MGAT5B: variants seen among roughly 807,000 people sequenced by gnomAD.
MGAT5B encodes the protein N-acetylglucosaminyl-transferase Vb.
Under a neutral mutation model 95.1 loss-of-function variants are expected in MGAT5B, and 54 were observed. That is an observed-to-expected ratio of 0.57 (90% CI 0.46 to 0.71). The LOEUF is 0.71. MGAT5B is among the 30% of genes least tolerant of loss of function. MGAT5B has a pLI of 0.00. For missense variants in MGAT5B, 935 were observed against 1,088.6 expected (o/e 0.86, Z 1.99); for synonymous variants, 464 against 451.0 (o/e 1.03, Z -0.36).
chr17:76,895,893 G>GT (rs542661686), intron 3 of MGAT5B, among the ~76,000 whole-genome samples: 1 of 152,120 alleles, frequency 6.6e-6, no homozygotes, highest in African/African-American at 2.4e-5. Flanking sequence ...TCTACAAGGG[G>GT]TTTTTTTGTC....
intron 6 of MGAT5B, among the ~76,000 whole-genome samples, chr17:76,904,649 G>T (rs1968453727): frequency 6.6e-6 from 1 of 152,252 alleles, no homozygotes; most frequent in African/African-American, 2.4e-5. Flanking sequence ...CAGGTGGGGG[G>T]CCTGGAGATG....
intron 10 of MGAT5B, among the ~76,000 whole-genome samples, chr17:76,928,659 C>T (rs1170320663): frequency 2.0e-5 from 3 of 151,624 alleles, no homozygotes; most frequent in African/African-American, 2.4e-5. Flanking sequence ...GAGCTGAGAT[C>T]GTGGCACTGC....
In MGAT5B at chr17:76,889,783, C is replaced by T. The variant is rs1598909957; in HGVS notation, c.329+7485C>T. ...TCCAGGCCTGCACTGTTGTCACAGCCCCACGGTGCCGAGAGCCGGACCAAC... is the reference window on the plus strand; with the variant it reads ...TCCAGGCCTGCACTGTTGTCACAGCTCCACGGTGCCGAGAGCCGGACCAAC... On this transcript the variant is annotated intron_variant, in intron 3 of 17. Transcript: ENST00000569840. The surrounding 1 kb of genome is among the most constrained non-coding windows in gnomAD (Gnocchi z 4.4). 6.6e-6 allele frequency among the ~76,000 whole-genome samples: 1 copy of T among 152,146 alleles called. No homozygotes were observed. The highest frequency in any genetic ancestry group is 2.4e-5 in the African/African-American group (1 of 41,422).
chr17:76,938,292 G>A lies in MGAT5B; in HGVS notation c.1584+149G>A, dbSNP rs1458951908. 3.6e-6 allele frequency: 4 copies of A among 1,121,504 alleles called. No individual in the cohort carries two copies. The Admixed American group carries it at 7.5e-5, about 21-fold the overall frequency. The allele number at this position is 1,121,504 out of a possible 1,614,324, so 69.5% of individuals were successfully genotyped here. On this transcript the variant is annotated intron_variant, in intron 13 of 17. Coordinates refer to ENST00000569840, the MANE Select transcript of MGAT5B (RefSeq NM_001199172.2). This position sits in a 1 kb window ranked among gnomAD's most constrained non-coding sequence, Gnocchi z 4.3. ...GCCCTGAGCCCCACATCTGGCCAGA[G>A]CCCAGGGGCAGAGATGTGGGTGCCC...
At chr17:76,942,442 G>T (rs962445751) in intron 15 of MGAT5B, among the ~76,000 whole-genome samples, 1 of 152,094 alleles carries the variant, frequency 6.6e-6, no homozygotes, top group East Asian at 1.9e-4. Context: ...CAGGAGAATC[G>T]CTTGAACCTG....
chr17:76,940,689 T>C lies in MGAT5B; in HGVS notation c.1732-43T>C. The C allele has an allele frequency of 6.2e-7, 1 of 1,605,804 alleles. No homozygotes were observed. Among genetic ancestry groups the C allele is most frequent in the Non-Finnish European group, 8.5e-7 (1 of 1,173,128 alleles). On this transcript the variant is annotated intron_variant, in intron 14 of 17. Coordinates refer to ENST00000569840, the MANE Select transcript of MGAT5B (RefSeq NM_001199172.2). The surrounding 1 kb of genome is among the most constrained non-coding windows in gnomAD (Gnocchi z 4.3). ...GTACCTTTCTTTGTCCCTGTCCCAC[T>C]GGCAGGCACGGGGGGCATCTGCAAT... is the stretch of plus-strand genomic sequence containing the variant.
Position 76,933,286 on chromosome 17 carries a change from A to G in MGAT5B, c.1423-6A>G, listed in dbSNP as rs371825414. The G allele has an allele frequency of 6.3e-7, 1 of 1,598,338 alleles. No individual in the cohort carries two copies. Among genetic ancestry groups the G allele is most frequent in the Non-Finnish European group, 8.5e-7 (1 of 1,179,746 alleles). On this transcript the variant is annotated splice_polypyrimidine_tract_variant and splice_region_variant and intron_variant, in intron 11 of 17. Transcript: ENST00000569840. ...GTTCCTTGTGCTCCCCCTGGCCACG[A>G]GGCAGCTCCAGGTATGGAAACCGCT...
At chr17:76,883,500 A>C (rs2145138325) in intron 3 of MGAT5B, among the ~76,000 whole-genome samples, 1 of 152,286 alleles carries the variant, frequency 6.6e-6, no homozygotes, top group Admixed American at 6.5e-5. Context: ...TGTGACATCC[A>C]AATCATGTGT....
intron 13 of MGAT5B, among the ~76,000 whole-genome samples, chr17:76,939,871 C>T (rs532892049): frequency 1.4e-4 from 22 of 152,154 alleles, no homozygotes; most frequent in South Asian, 1.0e-3. Flanking sequence ...TTTATGTCTG[C>T]GTAGTATCTT....
At chr17:76,933,456 G>T (rs918818789) in intron 12 of MGAT5B, among the ~76,000 whole-genome samples, 159 bp downstream of exon 12, 7 of 152,208 alleles carry the variant, frequency 4.6e-5, no homozygotes, top group African/African-American at 1.7e-4. Context: ...GGGTGATGGG[G>T]ACAGCAGGGT....
At chr17:76,946,593 C>T (rs1970036850) in intron 16 of MGAT5B, 143 bp downstream of exon 16, 2 of 706,246 alleles carry the variant, frequency 2.8e-6, no homozygotes, top group Non-Finnish European at 4.2e-6. Flanking sequence ...AGTCTCTTCC[C>T]AGAGTTCCCT....
rs767262501 is a variant in MGAT5B, at chr17:76,905,230, T to G, written c.752T>G (p.Leu251Arg). The change falls in exon 7 of 18, where the codon CTG (leucine) becomes CGG (arginine). Residue 251 changes from leucine (L) to arginine (R), a missense_variant. By Grantham distance (102) the Leu-to-Arg change is moderately radical. Transcript: ENST00000569840. The surrounding 1 kb of genome is among the most constrained non-coding windows in gnomAD (Gnocchi z 4.2). ...LDLMGSGKESLIFMKKRTKRL... is the reference protein window; with the variant it reads ...LDLMGSGKESRIFMKKRTKRL... The stretch of plus-strand genomic sequence containing the variant: ...CTGATGGGCAGCGGGAAGGAGTCCC[T>G]GATCTTCATGAAGAAGCGGACCAAG... The G allele has an allele frequency of 6.2e-7, 1 of 1,613,608 alleles. No individual in the cohort carries two copies. The highest frequency in any genetic ancestry group is 8.5e-7 in the Non-Finnish European group (1 of 1,179,736).
intron 8 of MGAT5B, among the ~76,000 whole-genome samples, chr17:76,921,250 G>A (rs780751184): frequency 2.6e-5 from 4 of 152,152 alleles, no homozygotes; most frequent in East Asian, 3.9e-4. Context: ...AAATTTCTGC[G>A]GCACCTGGCC....
intron 12 of MGAT5B, among the ~76,000 whole-genome samples, chr17:76,935,861 T>TTA (rs1491235385): frequency 1.8e-4 from 23 of 131,132 alleles, no homozygotes; most frequent in Non-Finnish European, 3.5e-4. Flanking sequence ...ACTATATATA[T>TTA]TATATACATT....
intron 12 of MGAT5B, among the ~76,000 whole-genome samples, chr17:76,935,926 TA>T (rs1270664109): frequency 6.4e-5 from 9 of 141,020 alleles, no homozygotes; most frequent in African/African-American, 2.1e-4. Context: ...ATATATTATA[TA>T]ATTATATATA....
rs1204730030 is a variant in MGAT5B at position 76,912,504 on chromosome 17, G to A, written c.1025+6317G>A. Reference sequence around the variant, plus strand: ...TGGCGAAATGACCTGCGTGGGAGGCGGTGGGACAAAGACGCGGCTTGTACA... The same window carrying A: ...TGGCGAAATGACCTGCGTGGGAGGCAGTGGGACAAAGACGCGGCTTGTACA... On this transcript the variant is annotated intron_variant, in intron 8 of 17. Coordinates refer to ENST00000569840, the MANE Select transcript of MGAT5B (RefSeq NM_001199172.2). The surrounding 1 kb of genome is among the most constrained non-coding windows in gnomAD (Gnocchi z 5.0). Among the ~76,000 whole-genome samples the A allele has an allele frequency of 1.3e-5, 2 of 152,186 alleles. No individual in the cohort carries two copies. Among genetic ancestry groups the A allele is most frequent in the Non-Finnish European group, 2.9e-5 (2 of 68,042 alleles).
At chr17:76,887,804 G>A (rs1315082384) in intron 3 of MGAT5B, among the ~76,000 whole-genome samples, 3 of 151,700 alleles carry the variant, frequency 2.0e-5, no homozygotes, top group Non-Finnish European at 2.9e-5. Context: ...TGATCTGCCC[G>A]CCTTGGCCTC....
chr17:76,870,216 C>T lies in MGAT5B; in HGVS notation c.68+1119C>T, dbSNP rs981676512. On this transcript the variant is annotated intron_variant, in intron 1 of 17. Transcript: ENST00000569840. The surrounding 1 kb of genome is among the most constrained non-coding windows in gnomAD (Gnocchi z 5.0). ...TGGGGGCGGGGAGACGGTGGCTCAC[C>T]TGGAGCCCGCCTCCCAGCACACCGG... Among the ~76,000 whole-genome samples the T allele has an allele frequency of 6.6e-6, 1 of 152,154 alleles. No individual in the cohort carries two copies. Among genetic ancestry groups the T allele is most frequent in the Admixed American group, 6.5e-5 (1 of 15,284 alleles).
chr17:76,907,145 G>A (rs145327261), intron 8 of MGAT5B, among the ~76,000 whole-genome samples: 24 of 151,884 alleles, frequency 1.6e-4, no homozygotes, highest in African/African-American at 5.8e-4. Flanking sequence ...TCCGCCTCCC[G>A]GGTTCAAGCG....
Sources: allele counts gnomAD v4.1 joint callset (sites outside exome capture counted in the v4.1 genomes callset), GRCh38; gene constraint gnomAD v4.1.1; non-coding constraint Gnocchi (gnomAD v3.1); transcripts MANE v1.5; gene names NCBI Gene and HGNC (gene_info 2026-07-23, HGNC 2026-07-21).